PTH2R: variants seen among roughly 807,000 people sequenced by gnomAD.
PTH2R encodes parathyroid hormone 2 receptor.
A neutral mutation model predicts 60.3 loss-of-function variants in PTH2R; 59 were observed. That is an observed-to-expected ratio of 0.98 (90% confidence interval 0.79 to 1.22). PTH2R has a LOEUF of 1.22. Among genes scored for constraint, PTH2R ranks in the 50% most tolerant of loss-of-function variants. The pLI is 0.00. For missense variants in PTH2R, 749 were observed against 682.6 expected (o/e 1.10, Z -1.08); for synonymous variants, 256 against 243.8 (o/e 1.05, Z -0.47).
intron 1 of PTH2R, among the ~76,000 whole-genome samples, chr2:208,379,608 C>T (rs544693762): frequency 6.7e-6 from 1 of 148,910 alleles, no homozygotes; most frequent in African/African-American, 2.4e-5. Flanking sequence ...TCTTGTAATC[C>T]TAGCACTTTC....
intron 1 of PTH2R, among the ~76,000 whole-genome samples, chr2:208,418,750 A>C (rs940915594): frequency 3.3e-5 from 5 of 152,136 alleles, no homozygotes; most frequent in Middle Eastern, 6.8e-3. Context: ...CTTTTTTTGC[A>C]CAAAAGGTAG....
intron 10 of PTH2R, 29 bp from the exon 11 acceptor site, chr2:208,488,983 G>T: frequency 6.2e-7 from 1 of 1,611,872 alleles, no homozygotes; most frequent in Non-Finnish European, 8.5e-7. Context: ...TCTAGTTAAT[G>T]AATGAAAAGA....
In PTH2R at chr2:208,409,721, GAT is replaced by G. The variant is rs1317522383; in HGVS notation, c.75+2607_75+2608del. ...GTCTCTGTGGTTTCTGGTTGGTAAAGATATACTTTTGTCTCAAAGCACAGTTC... is the reference window on the plus strand; with the variant it reads ...GTCTCTGTGGTTTCTGGTTGGTAAAGATACTTTTGTCTCAAAGCACAGTTC... On this transcript the variant is annotated intron_variant, in intron 1 of 12. Transcript: ENST00000272847. Among the ~76,000 whole-genome samples the G allele has an allele frequency of 4.6e-5, 7 of 152,054 alleles. 1 individual carries two copies. Among genetic ancestry groups the G allele is most frequent in the Admixed American group, 4.6e-4 (7 of 15,268 alleles).
intron 9 of PTH2R, among the ~76,000 whole-genome samples, chr2:208,463,786 C>T (rs1316797835): frequency 1.3e-5 from 2 of 152,214 alleles, no homozygotes; most frequent in African/African-American, 4.8e-5. Flanking sequence ...ACACATTCTA[C>T]CTTGTATATC....
chr2:208,493,931 C>G lies in PTH2R; in HGVS notation c.*272C>G, dbSNP rs573787434. 6.9e-6 allele frequency: 2 copies of G among 287,904 alleles called. No individual in the cohort carries two copies. Among genetic ancestry groups the G allele is most frequent in the Non-Finnish European group, 1.3e-5 (2 of 156,530 alleles). 17.8% of individuals were successfully genotyped at this position (287,904 alleles called of 1,614,324 possible). A position where few individuals can be genotyped will look rare whatever the true frequency, so the allele number is the denominator to read the frequency against. ...CTCTGTGATTGTTCATTTTTTTCTGCTACTTTTGGGTAGAAAAAAGATTCA... is the reference window on the plus strand; with the variant it reads ...CTCTGTGATTGTTCATTTTTTTCTGGTACTTTTGGGTAGAAAAAAGATTCA... On this transcript the variant is annotated 3_prime_UTR_variant, in exon 13 of 13. Transcript: ENST00000272847.
At chr2:208,459,242 A>G (rs1226915007) in intron 8 of PTH2R, among the ~76,000 whole-genome samples, 3 of 152,174 alleles carry the variant, frequency 2.0e-5, no homozygotes, top group Non-Finnish European at 2.9e-5. Flanking sequence ...CTAAGGTGTT[A>G]TGATTGGTTC....
At chr2:208,425,203 A>G (rs1375971941) in intron 1 of PTH2R, among the ~76,000 whole-genome samples, 1 of 152,208 alleles carries the variant, frequency 6.6e-6, no homozygotes, top group Admixed American at 6.5e-5. Flanking sequence ...TGTGAAGGCA[A>G]TGATTTATGA....
At chr2:208,410,514 A>G (rs1438119385) in intron 1 of PTH2R, among the ~76,000 whole-genome samples, 3 of 152,196 alleles carry the variant, frequency 2.0e-5, no homozygotes, top group Admixed American at 6.5e-5. Context: ...ACCCAGGTCT[A>G]TAATGATTCT....
At chr2:208,407,526 T>G (rs755715986) in intron 1 of PTH2R, among the ~76,000 whole-genome samples, 10 of 152,224 alleles carry the variant, frequency 6.6e-5, no homozygotes, top group Non-Finnish European at 1.3e-4. Context: ...GAATTTAAAT[T>G]TACAGGATCG....
intron 1 of PTH2R, chr2:208,361,186 G>T: frequency 6.4e-6 from 1 of 155,732 alleles, no homozygotes; most frequent in South Asian, 1.8e-4. Flanking sequence ...CATAGGTCAC[G>T]ATGAGGTTAC....
intron 1 of PTH2R, among the ~76,000 whole-genome samples, chr2:208,365,942 A>G (rs1559198736): frequency 6.8e-5 from 1 of 14,704 alleles, no homozygotes; most frequent in African/African-American, 1.7e-4. Flanking sequence ...ATATATATAT[A>G]TATATATATA....
intron 1 of PTH2R, among the ~76,000 whole-genome samples, chr2:208,365,499 T>G (rs1700561093): frequency 6.6e-6 from 1 of 152,180 alleles, no homozygotes; most frequent in South Asian, 2.1e-4. Flanking sequence ...TTTTCATATG[T>G]TGAACCATCC....
intron 1 of PTH2R, 151 bp from the exon 2 acceptor site, chr2:208,428,050 G>T: frequency 1.8e-6 from 1 of 558,936 alleles, no homozygotes; most frequent in Non-Finnish European, 3.0e-6. Flanking sequence ...ACACATTGAT[G>T]GATTTTGAAT....
intron 1 of PTH2R, among the ~76,000 whole-genome samples, chr2:208,383,874 A>G (rs919980125): frequency 6.6e-6 from 1 of 152,136 alleles, no homozygotes; most frequent in African/African-American, 2.4e-5. Flanking sequence ...CTCCATGCTG[A>G]GTGTCTGTTT....
intron 1 of PTH2R, among the ~76,000 whole-genome samples, chr2:208,378,613 C>A (rs1700855163): frequency 6.6e-6 from 1 of 152,056 alleles, no homozygotes; most frequent in African/African-American, 2.4e-5. Context: ...AGCCCTTTCA[C>A]CCTTTTCTAC....
intron 9 of PTH2R, among the ~76,000 whole-genome samples, chr2:208,462,488 T>G (rs1466386787): frequency 5.9e-5 from 9 of 152,118 alleles, no homozygotes; most frequent in Admixed American, 3.3e-4. Flanking sequence ...GGTAGTTAGA[T>G]TGCCAGTGGC....
chr2:208,460,480 G>A (rs1423798234), intron 9 of PTH2R, among the ~76,000 whole-genome samples: 5 of 152,018 alleles, frequency 3.3e-5, no homozygotes, highest in African/African-American at 9.7e-5. Context: ...TATCTAATAG[G>A]TATTAGATAG....
rs561436594 is a variant in PTH2R, at chr2:208,474,010, C to G, written c.982-7060C>G. ...AGTCAAACTCATATCCAAGGTCATA[C>G]AGGTCATTAGCAGAGGAGGTGCAAC... On this transcript the variant is annotated intron_variant, in intron 9 of 12. Transcript: ENST00000272847. 7.1e-4 allele frequency among the ~76,000 whole-genome samples: 108 copies of G among 152,150 alleles called. 1 individual carries two copies. The highest frequency in any genetic ancestry group is 3.4e-3 in the Middle Eastern group (1 of 294).
At chr2:208,400,859 G>A (rs1312415481) in intron 1 of PTH2R, among the ~76,000 whole-genome samples, 1 of 152,138 alleles carries the variant, frequency 6.6e-6, no homozygotes, top group Non-Finnish European at 1.5e-5. Context: ...TATTTAACCA[G>A]ATGTATATGT....
Sources: gnomAD v4.1 joint callset for allele counts (sites outside exome capture counted in the v4.1 genomes callset) on GRCh38, gnomAD v4.1.1 for gene constraint, MANE v1.5 for transcripts, NCBI Gene and HGNC (gene_info 2026-07-23, HGNC 2026-07-21) for gene names.